VPS13B: variants seen among roughly 807,000 people sequenced by gnomAD.
VPS13B encodes the protein vacuolar protein sorting 13 homolog B, also known as intermembrane lipid transfer protein VPS13B.
Under a neutral mutation model 426.4 loss-of-function variants are expected in VPS13B, and 285 were observed. The observed-to-expected ratio is 0.67, with a 90% CI of 0.61 to 0.74. The LOEUF is 0.74. Among genes scored for constraint, VPS13B ranks in the 30% least tolerant of loss-of-function variants. VPS13B has a pLI of 0.00. For missense variants in VPS13B, 4,537 were observed against 4,782.6 expected, an observed-to-expected ratio of 0.95 and a Z score of 1.51; for synonymous variants, 1,676 against 1,676.4, an observed-to-expected ratio of 1.00 and a Z score of 0.01.
At chr8:99,303,658 G>A (rs888742074) in intron 19 of VPS13B, among the ~76,000 whole-genome samples, 1 of 142,314 alleles carries the variant, frequency 7.0e-6, no homozygotes, top group Non-Finnish European at 1.5e-5. Flanking sequence ...GAACCTGGGA[G>A]GTGGAGGCTG....
intron 2 of VPS13B, among the ~76,000 whole-genome samples, chr8:99,028,935 C>T (rs1842331551): frequency 7.3e-6 from 1 of 136,270 alleles, no homozygotes; most frequent in Non-Finnish European, 1.6e-5. Context: ...CTCCTCACTT[C>T]CCAGACGGGG....
At chr8:99,840,730 G>C (rs571329506) in intron 54 of VPS13B, among the ~76,000 whole-genome samples, 1 of 152,178 alleles carries the variant, frequency 6.6e-6, no homozygotes, top group Non-Finnish European at 1.5e-5. Context: ...GGACTCAAAT[G>C]TGTAATCTGT....
chr8:99,578,827 G>T (rs1825899817), intron 33 of VPS13B, among the ~76,000 whole-genome samples: 1 of 152,042 alleles, frequency 6.6e-6, no homozygotes, highest in Admixed American at 6.5e-5. Context: ...ATTGTTTTAG[G>T]ATTCACATAA....
intron 7 of VPS13B, among the ~76,000 whole-genome samples, chr8:99,117,327 C>A (rs1297778372): frequency 6.6e-6 from 1 of 152,020 alleles, no homozygotes; most frequent in Non-Finnish European, 1.5e-5. Flanking sequence ...GAAACTGGAA[C>A]TCATATAAGT....
At chr8:99,216,642 G>A (rs898974465) in intron 17 of VPS13B, among the ~76,000 whole-genome samples, 4 of 150,860 alleles carry the variant, frequency 2.7e-5, no homozygotes, top group South Asian at 2.1e-4. Context: ...ATCTAGTATC[G>A]TAGCCACCAG....
At chr8:99,616,439 GA>G (rs1248131743) in intron 33 of VPS13B, among the ~76,000 whole-genome samples, 10 of 152,204 alleles carry the variant, frequency 6.6e-5, no homozygotes, top group African/African-American at 2.4e-4. Context: ...CGTTTAAGAG[GA>G]AGTAACACTT....
chr8:99,153,028 G>A (rs1811159709), intron 14 of VPS13B, among the ~76,000 whole-genome samples: 1 of 152,074 alleles, frequency 6.6e-6, no homozygotes, highest in Non-Finnish European at 1.5e-5. Flanking sequence ...AAGTTAGCCA[G>A]GCATGCTGGT....
intron 39 of VPS13B, among the ~76,000 whole-genome samples, chr8:99,747,306 A>G (rs550752338): frequency 6.6e-6 from 1 of 152,114 alleles, no homozygotes; most frequent in South Asian, 2.1e-4. Context: ...AAAAGTTTTA[A>G]TTTTGGCTTT....
chr8:99,233,191 T>G, intron 17 of VPS13B: 1 of 1,396,342 alleles, frequency 7.2e-7, no homozygotes, highest in South Asian at 1.2e-5. Flanking sequence ...TTCCTCATTT[T>G]CATCGGGCGT....
chr8:99,642,576 A>G (rs1829413051), intron 34 of VPS13B, 78 bp downstream of exon 34: 1 of 1,294,410 alleles, frequency 7.7e-7, no homozygotes, highest in South Asian at 1.3e-5. Flanking sequence ...CAGATTGATT[A>G]AACAGAAACA....
intron 19 of VPS13B, among the ~76,000 whole-genome samples, chr8:99,289,032 TATGAATGAATGAATGA>T (rs147774364): frequency 6.8e-6 from 1 of 146,654 alleles, no homozygotes; most frequent in Non-Finnish European, 1.5e-5. Flanking sequence ...CCCCTGCCTC[TATGAATGAATGAATGA>T]ATGAATGAAT....
intron 17 of VPS13B, among the ~76,000 whole-genome samples, chr8:99,244,343 C>T (rs1334515158): frequency 6.6e-6 from 1 of 152,162 alleles, no homozygotes; most frequent in Non-Finnish European, 1.5e-5. Flanking sequence ...ATTAAAAAAG[C>T]AATGAACCCT....
At chr8:99,695,826 A>G (rs1831959377) in intron 35 of VPS13B, 1 of 151,958 alleles carries the variant, frequency 6.6e-6, no homozygotes, top group African/African-American at 2.4e-5. Context: ...GAAGCCAAAG[A>G]TCCTGATGTC....
intron 19 of VPS13B, among the ~76,000 whole-genome samples, chr8:99,309,592 G>T (rs1343024681): frequency 1.1e-4 from 16 of 152,142 alleles, no homozygotes; most frequent in Admixed American, 1.0e-3. Context: ...TAGCCTTCTA[G>T]TATAGTTTGT....
At chr8:99,279,201 G>A (rs935242818) in intron 19 of VPS13B, among the ~76,000 whole-genome samples, 7 of 152,106 alleles carry the variant, frequency 4.6e-5, no homozygotes, top group African/African-American at 1.7e-4. Flanking sequence ...ATCACGTACT[G>A]CACTGTAGCC....
intron 33 of VPS13B, among the ~76,000 whole-genome samples, chr8:99,589,440 G>C (rs1205908096): frequency 6.6e-6 from 1 of 151,550 alleles, no homozygotes; most frequent in African/African-American, 2.4e-5. Context: ...CCACCTATGA[G>C]TGAGAACATG....
chr8:99,118,215 T>A (rs11998193), intron 7 of VPS13B, among the ~76,000 whole-genome samples: 11,358 of 152,094 alleles, frequency 0.075, 646 homozygotes, highest in African/African-American at 0.16. Flanking sequence ...TCATCTGGAG[T>A]CTTCTATTGA....
chr8:99,360,754 T>G (rs1016444014), intron 19 of VPS13B, among the ~76,000 whole-genome samples: 14 of 152,302 alleles, frequency 9.2e-5, no homozygotes, highest in Non-Finnish European at 1.9e-4. Context: ...AGAATTGTAG[T>G]GCCACTGACA....
intron 19 of VPS13B, among the ~76,000 whole-genome samples, chr8:99,328,897 CTT>C (rs2133149165): frequency 6.6e-6 from 1 of 152,186 alleles, no homozygotes; most frequent in Admixed American, 6.5e-5. Context: ...CTTTACGTCT[CTT>C]AGATTAAAAA....
Sources: allele counts gnomAD v4.1 joint callset (sites outside exome capture counted in the v4.1 genomes callset), GRCh38; gene constraint gnomAD v4.1.1; transcripts MANE v1.5; gene names NCBI Gene and HGNC (gene_info 2026-07-23, HGNC 2026-07-21).